The following ADGRB3 variants were observed in gnomAD, a reference collection of about 807,000 sequenced individuals.
The protein encoded by ADGRB3 is brain-specific angiogenesis inhibitor 3.
Under a neutral mutation model 193.4 loss-of-function variants are expected in ADGRB3, and 37 were observed. That is an observed-to-expected ratio of 0.19 (90% CI 0.15 to 0.25). ADGRB3 has a LOEUF of 0.25. Ranked by LOEUF, ADGRB3 falls within the 10% of genes least tolerant of loss-of-function variation. The probability of loss-of-function intolerance (pLI) is 1.00; values close to 1 mark genes in which losing one functional copy is unlikely to be tolerated. For missense variants in ADGRB3, 1,637 were observed against 1,852.9 expected (o/e 0.88, Z 2.14); for synonymous variants, 690 against 644.2 (o/e 1.07, Z -1.08).
intron 20 of ADGRB3, among the ~76,000 whole-genome samples, chr6:69,306,079 T>C (rs1467030554): frequency 6.6e-6 from 1 of 151,464 alleles, no homozygotes; most frequent in Non-Finnish European, 1.5e-5. Context: ...GAGTTGAGCA[T>C]CCCTGGATTT....
At chr6:69,282,900 G>A (rs1767466316) in intron 20 of ADGRB3, among the ~76,000 whole-genome samples, 1 of 152,174 alleles carries the variant, frequency 6.6e-6, no homozygotes, top group African/African-American at 2.4e-5. Flanking sequence ...AAAGTCAGGA[G>A]GTTCTGTTAA....
At chr6:69,322,672 T>G (rs1360536459) in intron 20 of ADGRB3, among the ~76,000 whole-genome samples, 2 of 151,972 alleles carry the variant, frequency 1.3e-5, no homozygotes, top group Non-Finnish European at 2.9e-5. Context: ...ATTCTTCACA[T>G]GCTGAAGCAA....
At chr6:69,234,253 T>G (rs1012909568) in intron 18 of ADGRB3, among the ~76,000 whole-genome samples, 9 of 152,138 alleles carry the variant, frequency 5.9e-5, no homozygotes, top group Non-Finnish European at 4.4e-5. Flanking sequence ...ACCAACAAAT[T>G]TAATTAATTA....
chr6:69,146,645 G>C (rs964809945), intron 17 of ADGRB3, among the ~76,000 whole-genome samples: 2 of 152,196 alleles, frequency 1.3e-5, no homozygotes, highest in Non-Finnish European at 2.9e-5. Context: ...TGGAGTGCAC[G>C]GCCCTGGCTA....
intron 17 of ADGRB3, among the ~76,000 whole-genome samples, chr6:69,106,989 T>C (rs558328697): frequency 2.1e-4 from 32 of 152,318 alleles, no homozygotes; most frequent in Middle Eastern, 3.4e-3. Flanking sequence ...AATATAAATG[T>C]AGCCAAATCC....
chr6:68,763,249 C>A lies in ADGRB3; in HGVS notation c.757+123817C>A, dbSNP rs150483162. Among the ~76,000 whole-genome samples, 73 of 152,204 alleles carry A rather than the reference C, an allele frequency of 4.8e-4. No individual in the cohort carries two copies. The East Asian group carries it at 0.013, about 27-fold the overall frequency. ...GGGATTACAGGCGCCCACCATAATG[C>A]CTAGCTAATTTTTATATTTTTGTAG... On this transcript the variant is annotated intron_variant, in intron 3 of 31. Transcript: ENST00000370598.
chr6:68,786,861 G>T (rs978227886), intron 3 of ADGRB3, among the ~76,000 whole-genome samples: 1 of 151,798 alleles, frequency 6.6e-6, no homozygotes, highest in African/African-American at 2.4e-5. Context: ...CCTTGAAGAG[G>T]TTCTTCACAT....
rs1214006782 is a variant in ADGRB3, at chr6:68,661,807, A to G, written c.757+22375A>G. On this transcript the variant is annotated intron_variant, in intron 3 of 31. Transcript: ENST00000370598. ...GAGGTTGAGTGAAATTTAAGCTAGC[A>G]AAATTAGACTATCTGGGAAGGGGAA... Among the ~76,000 whole-genome samples the G allele has an allele frequency of 2.0e-5, 3 of 151,022 alleles. No homozygotes were observed. The East Asian group carries it at 5.9e-4, about 30-fold the overall frequency.
At chr6:68,885,468 A>C (rs1480927778) in intron 3 of ADGRB3, among the ~76,000 whole-genome samples, 1 of 152,220 alleles carries the variant, frequency 6.6e-6, no homozygotes. Flanking sequence ...CTATCACCAC[A>C]CATACTTGTT....
intron 3 of ADGRB3, among the ~76,000 whole-genome samples, chr6:68,688,310 A>G (rs1436615606): frequency 6.6e-6 from 1 of 152,196 alleles, no homozygotes; most frequent in African/African-American, 2.4e-5. Flanking sequence ...GACATATGCC[A>G]TGATCGATAA....
At chr6:68,700,388 G>A (rs766050411) in intron 3 of ADGRB3, among the ~76,000 whole-genome samples, 54 of 151,796 alleles carry the variant, frequency 3.6e-4, no homozygotes, top group Non-Finnish European at 6.8e-4. Flanking sequence ...ATCAATATAA[G>A]AGGAGGTTAA....
At chr6:69,194,116 G>A (rs555792851) in intron 17 of ADGRB3, among the ~76,000 whole-genome samples, 36 of 151,500 alleles carry the variant, frequency 2.4e-4, no homozygotes, top group African/African-American at 8.2e-4. Flanking sequence ...ATTTACCTCC[G>A]GTGTGGCCAT....
chr6:69,385,755 C>T (rs1312281865), intron 31 of ADGRB3, among the ~76,000 whole-genome samples: 1 of 152,066 alleles, frequency 6.6e-6, no homozygotes, highest in Non-Finnish European at 1.5e-5. Flanking sequence ...CTGGCACCTA[C>T]AGCTCTCATC....
At chr6:68,853,501 G>A (rs1768447078) in intron 3 of ADGRB3, among the ~76,000 whole-genome samples, 1 of 151,978 alleles carries the variant, frequency 6.6e-6, no homozygotes, top group Non-Finnish European at 1.5e-5. Flanking sequence ...AATCTGAAAT[G>A]TTATTACACA....
intron 17 of ADGRB3, among the ~76,000 whole-genome samples, chr6:69,187,533 G>T (rs1765097265): frequency 6.6e-6 from 1 of 152,134 alleles, no homozygotes; most frequent in African/African-American, 2.4e-5. Context: ...TTAAATTCAG[G>T]CAGAAATGTA....
intron 15 of ADGRB3, among the ~76,000 whole-genome samples, chr6:69,057,041 A>G (rs1257584549): frequency 6.6e-6 from 1 of 152,026 alleles, no homozygotes; most frequent in African/African-American, 2.4e-5. Flanking sequence ...TGGACACAGG[A>G]TTTCCTTCCA....
chr6:69,343,810 C>G (rs1769029878), intron 26 of ADGRB3, among the ~76,000 whole-genome samples: 1 of 152,034 alleles, frequency 6.6e-6, no homozygotes, highest in Admixed American at 6.6e-5. Context: ...ATCTTAGAAG[C>G]TAATATGTTT....
intron 13 of ADGRB3, among the ~76,000 whole-genome samples, chr6:69,023,619 A>G (rs1303553577): frequency 6.6e-6 from 1 of 152,174 alleles, no homozygotes; most frequent in East Asian, 1.9e-4. Flanking sequence ...ATGGTTCTGA[A>G]TTCTAAAGAT....
At chr6:68,910,456 G>C (rs1007542580) in intron 3 of ADGRB3, among the ~76,000 whole-genome samples, 4 of 152,130 alleles carry the variant, frequency 2.6e-5, no homozygotes, top group Admixed American at 6.5e-5. Context: ...ATTGCTTTTG[G>C]TGTTTTAGAC....
Sources: gnomAD v4.1 joint callset for allele counts (sites outside exome capture counted in the v4.1 genomes callset) on GRCh38, gnomAD v4.1.1 for gene constraint, MANE v1.5 for transcripts, NCBI Gene and HGNC (gene_info 2026-07-23, HGNC 2026-07-21) for gene names.